The following WDFY4 variants were observed in gnomAD, a reference collection of about 807,000 sequenced individuals.
WDFY4 encodes WD repeat- and FYVE domain-containing protein 4.
In WDFY4, 169 loss-of-function variants were observed where a neutral mutation model predicts 351.9. That is an observed-to-expected ratio of 0.48 (90% confidence interval 0.42 to 0.55). WDFY4 has a LOEUF of 0.55. WDFY4 is among the 20% of genes least tolerant of loss of function. The probability of loss-of-function intolerance (pLI) is 0.00; values close to 1 mark genes in which losing one functional copy is unlikely to be tolerated. For synonymous variants in WDFY4, 1,622 were observed against 1,574.6 expected, an observed-to-expected ratio of 1.03 and a Z score of -0.71; for missense variants, 3,803 against 3,935.6, an observed-to-expected ratio of 0.97 and a Z score of 0.90.
At chr10:48,771,289 A>G (rs1257659729) in intron 13 of WDFY4, among the ~76,000 whole-genome samples, 1 of 152,240 alleles carries the variant, frequency 6.6e-6, no homozygotes, top group East Asian at 1.9e-4. Flanking sequence ...ACTTAGTGCT[A>G]GCAACATACT....
chr10:48,729,326 C>T (rs958104395), intron 7 of WDFY4, 106 bp from the exon 8 acceptor site: 3 of 1,474,118 alleles, frequency 2.0e-6, no homozygotes, highest in Admixed American at 4.5e-5. Flanking sequence ...TGGGGTCTTC[C>T]CCAGCTTGCA....
intron 52 of WDFY4, 127 bp downstream of exon 52, chr10:48,957,409 G>A: frequency 1.7e-6 from 2 of 1,202,762 alleles, no homozygotes; most frequent in Non-Finnish European, 1.2e-6. Context: ...CTTCGGGTGA[G>A]GTCTCCACTG....
Position 48,735,996 on chromosome 10 carries a change from T to G in WDFY4, c.1804T>G (p.Tyr602Asp). Residue 602 changes from tyrosine (Y) to aspartate (D), a missense_variant, in exon 11 of 62, where the codon TAC becomes GAC. Transcript: ENST00000325239. ...EQLSAINAEE[Y>D]MSIIVGALCS... ...GCTCTCAGCCATCAACGCCGAGGAGTACATGAGCATCATTGTGGGTGCTCT... is the reference window on the plus strand; with the variant it reads ...GCTCTCAGCCATCAACGCCGAGGAGGACATGAGCATCATTGTGGGTGCTCT... 1 of 1,551,768 alleles carries G rather than the reference T, an allele frequency of 6.4e-7. No individual in the cohort carries two copies. Among genetic ancestry groups the G allele is most frequent in the Non-Finnish European group, 8.7e-7 (1 of 1,147,040 alleles).
intron 59 of WDFY4, 196 bp downstream of exon 59, chr10:48,977,175 TACAC>T (rs777581454): frequency 2.5e-5 from 10 of 398,040 alleles, no homozygotes; most frequent in Non-Finnish European, 3.9e-5. Flanking sequence ...TATATAGTAT[TACAC>T]ACACAGACAC....
intron 2 of WDFY4, among the ~76,000 whole-genome samples, chr10:48,710,728 A>C (rs941638558): frequency 1.3e-5 from 2 of 152,232 alleles, no homozygotes; most frequent in African/African-American, 4.8e-5. Flanking sequence ...CAATAATGCA[A>C]AGTGAGGTAA....
Position 48,900,373 on chromosome 10 carries a change from A to G in WDFY4, c.7523+67A>G, listed in dbSNP as rs1195260500. ...AACTGAGAGCAGAGGGGCAGAGAAC[A>G]CTCAGCTCTGTGCTCAGGAAAAGTG... On this transcript the variant is annotated intron_variant, in intron 46 of 61. Transcript: ENST00000325239. The G allele has an allele frequency of 2.8e-6, 4 of 1,408,368 alleles. No individual in the cohort carries two copies. The South Asian group carries it at 5.1e-5, about 18-fold the overall frequency. 87.2% of individuals were successfully genotyped at this position (1,408,368 alleles called of 1,614,324 possible). A position where few individuals can be genotyped will look rare whatever the true frequency, so the allele number is the denominator to read the frequency against.
At chr10:48,973,964 C>A (rs1842442352) in intron 57 of WDFY4, among the ~76,000 whole-genome samples, 1 of 152,204 alleles carries the variant, frequency 6.6e-6, no homozygotes, top group South Asian at 2.1e-4. Flanking sequence ...TTCTTCTTCC[C>A]AGTTTAGTTC....
At chr10:48,787,759 C>T (rs1382734261) in intron 20 of WDFY4, among the ~76,000 whole-genome samples, 1 of 150,828 alleles carries the variant, frequency 6.6e-6, no homozygotes, top group Non-Finnish European at 1.5e-5. Context: ...TGGGAGAGTT[C>T]GCCACAGTTT....
chr10:48,843,815 G>A (rs555929645), intron 39 of WDFY4, among the ~76,000 whole-genome samples: 2 of 152,298 alleles, frequency 1.3e-5, no homozygotes, highest in African/African-American at 4.8e-5. Flanking sequence ...CACCATCCCA[G>A]GAGATGTTTT....
At chr10:48,737,803 A>C (rs1276287775) in intron 11 of WDFY4, among the ~76,000 whole-genome samples, 2 of 152,204 alleles carry the variant, frequency 1.3e-5, no homozygotes, top group East Asian at 1.9e-4. Flanking sequence ...GGTAAGGGAG[A>C]GATATATCAA....
At chr10:48,968,086 G>A (rs1387997190) in intron 55 of WDFY4, 1 of 152,302 alleles carries the variant, frequency 6.6e-6, no homozygotes, top group African/African-American at 2.4e-5. Flanking sequence ...TGGGCTCCAG[G>A]AGACTGATGC....
intron 57 of WDFY4, among the ~76,000 whole-genome samples, chr10:48,971,872 C>A (rs1842353495): frequency 6.6e-6 from 1 of 152,154 alleles, no homozygotes; most frequent in African/African-American, 2.4e-5. Context: ...AGCAAAGGGA[C>A]TGGAAATGAA....
chr10:48,943,302 T>C, intron 48 of WDFY4, 28 bp from the exon 49 acceptor site: 1 of 1,550,646 alleles, frequency 6.4e-7, no homozygotes, highest in Non-Finnish European at 8.7e-7. Context: ...ACGTATTTGG[T>C]TTATCCCCTT....
intron 39 of WDFY4, among the ~76,000 whole-genome samples, chr10:48,865,326 T>G (rs2069506565): frequency 6.6e-6 from 1 of 152,236 alleles, no homozygotes; most frequent in Admixed American, 6.5e-5. Flanking sequence ...ATTGAAATTA[T>G]TACATGGTTT....
At chr10:48,977,984 C>T (rs564267014) in intron 59 of WDFY4, among the ~76,000 whole-genome samples, 44 of 152,242 alleles carry the variant, frequency 2.9e-4, no homozygotes, top group African/African-American at 9.6e-4. Flanking sequence ...GGCAAGAGGG[C>T]ATTGGTTGAG....
chr10:48,887,700 A>G (rs1260409973), intron 43 of WDFY4, among the ~76,000 whole-genome samples: 2 of 151,586 alleles, frequency 1.3e-5, no homozygotes, highest in Admixed American at 1.3e-4. Flanking sequence ...AATGGCATGA[A>G]CCCAGGAGGC....
Position 48,803,334 on chromosome 10 carries a change from C to T in WDFY4, c.4459C>T (p.Leu1487Phe), listed in dbSNP as rs1199283117. The change falls in exon 25 of 62, where the codon CTT becomes TTT. Residue 1487 changes from leucine to phenylalanine, a missense_variant. Transcript: ENST00000325239. ...DNLELSLFSHLLEILQSPREG... is the reference protein window; with the variant it reads ...DNLELSLFSHFLEILQSPREG... ...TCTGGAGCTCAGCCTCTTTTCCCAT[C>T]TTTTGGAAATCCTTCAATCACCAAG... is the stretch of plus-strand genomic sequence containing the variant. The T allele has an allele frequency of 1.2e-5, 19 of 1,551,822 alleles. No individual in the cohort carries two copies. The highest frequency in any genetic ancestry group is 1.6e-5 in the Non-Finnish European group (18 of 1,146,986).
chr10:48,960,212 T>G (rs896472455), intron 53 of WDFY4, among the ~76,000 whole-genome samples: 1 of 152,162 alleles, frequency 6.6e-6, no homozygotes, highest in Non-Finnish European at 1.5e-5. Flanking sequence ...TGGGGAGAAA[T>G]TGGCTTATTA....
intron 27 of WDFY4, among the ~76,000 whole-genome samples, chr10:48,806,353 C>A (rs1453799019): frequency 6.6e-6 from 1 of 152,224 alleles, no homozygotes; most frequent in African/African-American, 2.4e-5. Flanking sequence ...TGTAGACCAG[C>A]ATGTGGGATC....
Sources: gnomAD v4.1 joint callset for allele counts (sites outside exome capture counted in the v4.1 genomes callset) on GRCh38, gnomAD v4.1.1 for gene constraint, MANE v1.5 for transcripts, NCBI Gene and HGNC (gene_info 2026-07-23, HGNC 2026-07-21) for gene names.